The following RAB11FIP3 variants were observed in gnomAD, a reference collection of about 807,000 sequenced individuals.
The protein encoded by RAB11FIP3 is rab11 family-interacting protein 3.
Under a neutral mutation model 77.8 loss-of-function variants are expected in RAB11FIP3, and 17 were observed. That is an observed-to-expected ratio of 0.22 (90% CI 0.15 to 0.33). The LOEUF is 0.33. Among genes scored for constraint, RAB11FIP3 ranks in the 10% least tolerant of loss-of-function variants. The pLI is 1.00. For missense variants in RAB11FIP3, 1,005 were observed against 1,011.2 expected (o/e 0.99, Z 0.08); for synonymous variants, 437 against 448.2 (o/e 0.98, Z 0.31).
At chr16:466,202 A>T (rs1472056922) in intron 2 of RAB11FIP3, among the ~76,000 whole-genome samples, 1 of 152,036 alleles carries the variant, frequency 6.6e-6, no homozygotes, top group Non-Finnish European at 1.5e-5. Context: ...TGGGCTGGAG[A>T]TGTGTTCCCT....
Position 503,015 on chromosome 16 carries a change from A to G in RAB11FIP3, c.1313A>G (p.Gln438Arg), listed in dbSNP as rs776426270. The G allele has an allele frequency of 1.6e-5, 25 of 1,611,908 alleles. No individual in the cohort carries two copies. Among genetic ancestry groups the G allele is most frequent in the Non-Finnish European group, 2.0e-5 (24 of 1,178,636 alleles). ...SSKKVARYLH[Q>R]SGALTMEALE... The stretch of plus-strand genomic sequence containing the variant: ...TGCCTTTTCTGTAGGTACCTGCACC[A>G]GTCAGGGGCCCTGACCATGGAGGCC... The change falls in exon 7 of 14, where the codon CAG becomes CGG. Residue 438 changes from glutamine (Q) to arginine (R), a missense_variant. Physicochemically the swap from Gln to Arg is conservative, Grantham distance 43. Around this residue, in one of 4 missense-constraint regions of RAB11FIP3, gnomAD observed 433 missense variants for 436.1 expected, o/e 0.99. Transcript: ENST00000262305.
At chr16:474,415 G>A (rs147020178) in intron 3 of RAB11FIP3, among the ~76,000 whole-genome samples, 16 of 152,216 alleles carry the variant, frequency 1.1e-4, no homozygotes, top group Middle Eastern at 3.4e-3. Context: ...AGCTTATAAC[G>A]GGAAAGTTGC....
At chr16:515,293 G>A (rs1012621476) in intron 9 of RAB11FIP3, among the ~76,000 whole-genome samples, 3 of 152,200 alleles carry the variant, frequency 2.0e-5, no homozygotes, top group Non-Finnish European at 4.4e-5. Context: ...AAATAGCTGT[G>A]GGTAGAGCCG....
chr16:488,279 T>C (rs9328925), intron 4 of RAB11FIP3, among the ~76,000 whole-genome samples: 103,859 of 151,702 alleles, frequency 0.68, 37,330 homozygotes, highest in African/African-American at 0.92. Context: ...ACTCGGGAGG[T>C]GGAGGCAGGA....
rs1435606439 is a variant in RAB11FIP3 at position 426,540 on chromosome 16, C to G, written c.534C>G (p.Pro178=). The G allele has an allele frequency of 1.9e-6, 3 of 1,567,560 alleles. No homozygotes were observed. In the East Asian group the frequency reaches 7.1e-5, roughly 37 times the overall value. Residue 178 remains proline (P), a synonymous_variant, in exon 1 of 14, where the codon CCC becomes CCG. Coordinates refer to ENST00000262305, the MANE Select transcript of RAB11FIP3 (RefSeq NM_014700.4). This position sits in a 1 kb window ranked among gnomAD's most constrained non-coding sequence, Gnocchi z 5.0. ...TAGELALEQG[P]GSPPQPSDLS... is the part of the protein sequence containing the mutation. ...GCGAGCTGGCGCTGGAGCAAGGTCC[C>G]GGGTCCCCGCCGCAGCCCTCGGACC... is the stretch of plus-strand genomic sequence containing the variant.
chr16:469,295 C>G (rs1271380612), intron 2 of RAB11FIP3, among the ~76,000 whole-genome samples: 1 of 152,070 alleles, frequency 6.6e-6, no homozygotes, highest in African/African-American at 2.4e-5. Context: ...ACTATGGTCT[C>G]GAACTCCTGA....
At chr16:486,877 G>A (rs1427652322) in intron 4 of RAB11FIP3, among the ~76,000 whole-genome samples, 3 of 152,210 alleles carry the variant, frequency 2.0e-5, no homozygotes, top group Non-Finnish European at 1.5e-5. Context: ...TTTTCCTCTC[G>A]CTGATTCTCC....
chr16:441,922 G>T (rs1277515165), intron 1 of RAB11FIP3, among the ~76,000 whole-genome samples: 1 of 152,066 alleles, frequency 6.6e-6, no homozygotes, highest in Non-Finnish European at 1.5e-5. Context: ...CACTGTAAGC[G>T]CCACCTCCCA....
intron 4 of RAB11FIP3, among the ~76,000 whole-genome samples, chr16:488,198 G>T (rs974639689): frequency 6.6e-6 from 1 of 152,120 alleles, no homozygotes; most frequent in East Asian, 1.9e-4. Context: ...GGCTAACACG[G>T]TGAAACCCCG....
At chr16:454,958 G>A (rs1483264279) in intron 1 of RAB11FIP3, among the ~76,000 whole-genome samples, 2 of 151,104 alleles carry the variant, frequency 1.3e-5, no homozygotes, top group Non-Finnish European at 2.9e-5. Context: ...GCTGAGGCAC[G>A]AGAATTGCTT....
At chr16:462,608 A>G (rs2055627043) in intron 2 of RAB11FIP3, among the ~76,000 whole-genome samples, 1 of 151,706 alleles carries the variant, frequency 6.6e-6, no homozygotes, top group African/African-American at 2.4e-5. Flanking sequence ...TCCCTTCCCC[A>G]GCACGATCCC....
chr16:488,889 G>A lies in RAB11FIP3; in HGVS notation c.1154G>A (p.Gly385Glu). The A allele has an allele frequency of 6.2e-7, 1 of 1,614,010 alleles. No homozygotes were observed. The highest frequency in any genetic ancestry group is 8.5e-7 in the Non-Finnish European group (1 of 1,179,990). Residue 385 changes from glycine (G) to glutamate (E), a missense_variant, in exon 5 of 14, where the codon GGG becomes GAG. By Grantham distance (98) the Gly-to-Glu change is moderately conservative. Transcript: ENST00000262305. ...PHGQSVITVI[G>E]GEEHFEDYGE... ...GGCCAGTCTGTCATCACGGTGATCG[G>A]GGGCGAGGAGCACTTTGAGGACTAC... is the stretch of plus-strand genomic sequence containing the variant.
intron 1 of RAB11FIP3, among the ~76,000 whole-genome samples, chr16:436,484 T>C (rs549379195): frequency 2.6e-5 from 4 of 152,118 alleles, no homozygotes; most frequent in Non-Finnish European, 4.4e-5. Flanking sequence ...ATTTATTTAT[T>C]TGTTTATTTA....
intron 11 of RAB11FIP3, 97 bp from the exon 12 acceptor site, chr16:520,025 A>G: frequency 6.6e-7 from 1 of 1,525,468 alleles, no homozygotes; most frequent in Non-Finnish European, 8.8e-7. Context: ...CTCCCGAGAG[A>G]CGGCCAGATC....
intron 3 of RAB11FIP3, among the ~76,000 whole-genome samples, chr16:478,350 G>A (rs1422608482): frequency 1.3e-5 from 2 of 151,864 alleles, no homozygotes; most frequent in East Asian, 1.9e-4. Flanking sequence ...GTGCCACCAC[G>A]CCTGGCTAAT....
chr16:478,737 G>T (rs1252484906), intron 3 of RAB11FIP3, among the ~76,000 whole-genome samples: 1 of 151,638 alleles, frequency 6.6e-6, no homozygotes, highest in Admixed American at 6.6e-5. Flanking sequence ...AGGCTGAGGT[G>T]GGCAGATCTC....
Position 492,359 on chromosome 16 carries a change from G to GGGGGACCCGAGGCCGCCCAGGGCCC in RAB11FIP3, c.1265+3359_1265+3360insGGGGACCCGAGGCCGCCCAGGGCCC, listed in dbSNP as rs199613861. Among the ~76,000 whole-genome samples, 8 of 41,866 alleles carry GGGGGACCCGAGGCCGCCCAGGGCCC rather than the reference G, an allele frequency of 1.9e-4. No homozygotes were observed. The East Asian group carries it at 5.4e-3, about 28-fold the overall frequency. 27.5% of individuals were successfully genotyped at this position (41,866 alleles called of 152,430 possible). On this transcript the variant is annotated intron_variant, in intron 5 of 13. Transcript: ENST00000262305. ...AAAGCAGAAGTGCTCTTTGAAGAGG[G>GGGGGACCCGAGGCCGCCCAGGGCCC]TCTTCCCGGGAGACCCGAGGCCGCC...
At chr16:491,724 T>C (rs2030210025) in intron 5 of RAB11FIP3, among the ~76,000 whole-genome samples, 2 of 152,240 alleles carry the variant, frequency 1.3e-5, no homozygotes, top group Admixed American at 1.3e-4. Flanking sequence ...AGGGGAGCTC[T>C]TGTGGCTGGC....
intron 8 of RAB11FIP3, among the ~76,000 whole-genome samples, chr16:508,963 G>A (rs1304111446): frequency 6.6e-6 from 1 of 151,150 alleles, no homozygotes; most frequent in African/African-American, 2.4e-5. Flanking sequence ...TAGTGCAGTG[G>A]TGTGATCTCT....
Sources: allele counts gnomAD v4.1 joint callset (sites outside exome capture counted in the v4.1 genomes callset), GRCh38; gene constraint gnomAD v4.1.1; regional missense constraint gnomAD v4.1.1; non-coding constraint Gnocchi (gnomAD v3.1); transcripts MANE v1.5; gene names NCBI Gene and HGNC (gene_info 2026-07-23, HGNC 2026-07-21).